The following NCK2 variants were observed in gnomAD, a reference collection of about 807,000 sequenced individuals.
NCK2 encodes the protein cytoplasmic protein NCK2.
In NCK2, 16 loss-of-function variants were observed where a neutral mutation model predicts 33.9. That is an observed-to-expected ratio of 0.47 (90% CI 0.32 to 0.72). The LOEUF is 0.72. Ranked by LOEUF, NCK2 falls within the 30% of genes least tolerant of loss-of-function variation. NCK2 has a pLI of 0.03. For synonymous variants in NCK2, 273 were observed against 239.9 expected, an observed-to-expected ratio of 1.14 and a Z score of -1.27; for missense variants, 418 against 537.3, an observed-to-expected ratio of 0.78 and a Z score of 2.19.
At chr2:105,786,203 C>G (rs6543337) in intron 1 of NCK2, among the ~76,000 whole-genome samples, 23,921 of 152,230 alleles carry the variant, frequency 0.16, 2,197 homozygotes, top group South Asian at 0.26. Flanking sequence ...ATCCCAGCAC[C>G]AGGGATGAAA....
At chr2:105,794,414 A>G (rs1691004481) in intron 1 of NCK2, among the ~76,000 whole-genome samples, 1 of 152,094 alleles carries the variant, frequency 6.6e-6, no homozygotes, top group Non-Finnish European at 1.5e-5. Context: ...CGTTTACGTA[A>G]TGACTTATTT....
Position 105,893,353 on chromosome 2 carries a change from C to T in NCK2, c.*177C>T. 1.7e-6 allele frequency: 1 copy of T among 597,512 alleles called. No individual in the cohort carries two copies. Among genetic ancestry groups the T allele is most frequent in the South Asian group, 2.3e-5 (1 of 42,830 alleles). 37.0% of individuals were successfully genotyped at this position (597,512 alleles called of 1,614,324 possible). ...TTGCCATCCAGGCCTCACACCCACA[C>T]TCGAGCCCACCCGGCCGGCCAGCTT... is the stretch of plus-strand genomic sequence containing the variant. On this transcript the variant is annotated 3_prime_UTR_variant, in exon 5 of 5. Coordinates refer to ENST00000233154, the MANE Select transcript of NCK2 (RefSeq NM_003581.5).
At chr2:105,745,745 C>G (rs1573544159) in intron 1 of NCK2, 1 of 152,242 alleles carries the variant, frequency 6.6e-6, no homozygotes, top group Non-Finnish European at 1.5e-5. Flanking sequence ...CTTTTGTGCC[C>G]GGCTTCAGGC....
intron 2 of NCK2, among the ~76,000 whole-genome samples, chr2:105,834,816 A>T (rs909638512): frequency 1.3e-5 from 2 of 151,946 alleles, no homozygotes; most frequent in Non-Finnish European, 2.9e-5. Context: ...GCCTACAGGT[A>T]GATGTGTGCT....
chr2:105,757,470 G>C (rs1049595015), intron 1 of NCK2, among the ~76,000 whole-genome samples: 2 of 152,194 alleles, frequency 1.3e-5, no homozygotes, highest in South Asian at 4.1e-4. Context: ...TGGGTGCAGA[G>C]ATGTAGAAAG....
rs915245175 is a variant in NCK2, at chr2:105,815,912, G to A, written c.-200-518G>A. Reference sequence around the variant, plus strand: ...TAAAGGTGGGGCTCATTGGGAGGAGGAAGTCTGGAAGAGACTGGGAGCTCA... The same window carrying A: ...TAAAGGTGGGGCTCATTGGGAGGAGAAAGTCTGGAAGAGACTGGGAGCTCA... On this transcript the variant is annotated intron_variant, in intron 1 of 4. Transcript: ENST00000233154. 1.3e-4 allele frequency among the ~76,000 whole-genome samples: 20 copies of A among 152,292 alleles called. No homozygotes were observed. In the East Asian group the frequency reaches 3.9e-3, roughly 29 times the overall value.
chr2:105,878,269 C>T (rs562302310), intron 3 of NCK2, among the ~76,000 whole-genome samples: 1 of 152,308 alleles, frequency 6.6e-6, no homozygotes, highest in African/African-American at 2.4e-5. Flanking sequence ...CTGTCATGGG[C>T]CAGATTGCAT....
chr2:105,869,186 C>T (rs1282852998), intron 3 of NCK2, among the ~76,000 whole-genome samples: 1 of 152,148 alleles, frequency 6.6e-6, no homozygotes, highest in South Asian at 2.1e-4. Flanking sequence ...TGAGCTGAGA[C>T]TCACCCCTCT....
intron 1 of NCK2, among the ~76,000 whole-genome samples, chr2:105,808,647 C>T (rs999480803): frequency 6.6e-6 from 1 of 152,136 alleles, no homozygotes; most frequent in Non-Finnish European, 1.5e-5. Context: ...GATCACCCAG[C>T]GTCTTCAGTG....
At chr2:105,762,791 C>T (rs925315457) in intron 1 of NCK2, among the ~76,000 whole-genome samples, 5 of 152,294 alleles carry the variant, frequency 3.3e-5, no homozygotes, top group Admixed American at 2.0e-4. Context: ...GCTACCCTCT[C>T]GTTTGGTGTG....
chr2:105,874,083 G>A (rs1390716563), intron 3 of NCK2, among the ~76,000 whole-genome samples: 1 of 152,198 alleles, frequency 6.6e-6, no homozygotes. Context: ...AACAGATTAA[G>A]ACAATAGAAC....
intron 2 of NCK2, among the ~76,000 whole-genome samples, chr2:105,824,087 C>T (rs966605077): frequency 1.3e-5 from 2 of 152,046 alleles, no homozygotes; most frequent in Non-Finnish European, 1.5e-5. Context: ...CTAGAGTTGA[C>T]GTTTTTAGTA....
intron 3 of NCK2, among the ~76,000 whole-genome samples, chr2:105,866,850 A>T (rs995341902): frequency 1.3e-5 from 2 of 152,150 alleles, no homozygotes; most frequent in Non-Finnish European, 2.9e-5. Flanking sequence ...TTTGGTATAT[A>T]TGCTTCCTGG....
At chr2:105,823,613 CAA>C (rs1675831602) in intron 2 of NCK2, among the ~76,000 whole-genome samples, 1 of 151,906 alleles carries the variant, frequency 6.6e-6, no homozygotes, top group African/African-American at 2.4e-5. Flanking sequence ...ACCATGTTAA[CAA>C]AGAGTATATT....
intron 2 of NCK2, among the ~76,000 whole-genome samples, chr2:105,841,865 A>G (rs1427954717): frequency 2.6e-5 from 4 of 152,218 alleles, no homozygotes; most frequent in Non-Finnish European, 5.9e-5. Flanking sequence ...ATATTAGAGG[A>G]TGGAAAAGAA....
intron 2 of NCK2, among the ~76,000 whole-genome samples, chr2:105,831,820 T>G (rs927812041): frequency 4.6e-5 from 7 of 152,206 alleles, no homozygotes; most frequent in Non-Finnish European, 7.4e-5. Context: ...TGAAGTCATG[T>G]GGTGTGATGC....
At chr2:105,747,757 G>A (rs1689334027) in intron 1 of NCK2, among the ~76,000 whole-genome samples, 1 of 152,204 alleles carries the variant, frequency 6.6e-6, no homozygotes, top group African/African-American at 2.4e-5. Context: ...TAAAATGAGT[G>A]ATGGAAATAC....
chr2:105,839,322 C>T (rs938745465), intron 2 of NCK2, among the ~76,000 whole-genome samples: 5 of 152,212 alleles, frequency 3.3e-5, no homozygotes, highest in South Asian at 2.1e-4. Context: ...TTCCCCAAAG[C>T]GAGTGCCAGG....
At chr2:105,850,856 G>A (rs1441524588) in intron 2 of NCK2, among the ~76,000 whole-genome samples, 2 of 152,070 alleles carry the variant, frequency 1.3e-5, no homozygotes, top group Non-Finnish European at 2.9e-5. Flanking sequence ...AGAATAATGG[G>A]TCATCTGCAG....
Sources: gnomAD v4.1 joint callset for allele counts (sites outside exome capture counted in the v4.1 genomes callset) on GRCh38, gnomAD v4.1.1 for gene constraint, MANE v1.5 for transcripts, NCBI Gene and HGNC (gene_info 2026-07-23, HGNC 2026-07-21) for gene names.